CAMK1: variants seen among roughly 807,000 people sequenced by gnomAD.
CAMK1 encodes calcium/calmodulin dependent protein kinase I, also known as calcium/calmodulin-dependent protein kinase type 1.
CAMK1 carries 39 observed loss-of-function variants against 49.1 expected under a neutral mutation model. The ratio of observed to expected loss-of-function variants is 0.79; its 90% confidence interval spans 0.62 to 1.04. The LOEUF (loss-of-function observed/expected upper bound fraction) is 1.04. CAMK1 is among the 50% of genes least tolerant of loss of function. The probability of loss-of-function intolerance (pLI) is 0.00; values close to 1 mark genes in which losing one functional copy is unlikely to be tolerated. For synonymous variants in CAMK1, 192 were observed against 185.2 expected (o/e 1.04, Z -0.30); for missense variants, 457 against 472.2 (o/e 0.97, Z 0.30).
rs370595279 is a variant in CAMK1, at chr3:9,757,535, G to A, written c.*4C>T. The A allele has an allele frequency of 6.2e-7, 1 of 1,611,616 alleles. No individual in the cohort carries two copies. The highest frequency in any genetic ancestry group is 1.3e-5 in the African/African-American group (1 of 74,872). ...CAGAGGATCATGACCCGAGGTCCAG[G>A]GCCCTAGAGCTGGTGGGGCAGTGTG... On this transcript the variant is annotated 3_prime_UTR_variant, in exon 12 of 12. Coordinates refer to ENST00000256460, the MANE Select transcript of CAMK1 (RefSeq NM_003656.5). This position sits in a 1 kb window ranked among gnomAD's most constrained non-coding sequence, Gnocchi z 4.5.
chr3:9,767,493 G>A lies in CAMK1; in HGVS notation c.83+174C>T, dbSNP rs572800664. On this transcript the variant is annotated intron_variant, in intron 2 of 11. Coordinates refer to ENST00000256460, the MANE Select transcript of CAMK1 (RefSeq NM_003656.5). Reference sequence around the variant, plus strand: ...CCCAGGGCTATTGGGAGAGCAGCCCGTGTCCCACCCACTGTCATCCAGAAG... The same window carrying A: ...CCCAGGGCTATTGGGAGAGCAGCCCATGTCCCACCCACTGTCATCCAGAAG... 1.8e-4 allele frequency among the ~76,000 whole-genome samples: 28 copies of A among 152,186 alleles called. 1 individual carries two copies. The highest frequency in any genetic ancestry group is 1.0e-3 in the South Asian group (5 of 4,826).
In CAMK1 at chr3:9,757,866, A is replaced by AGGGAGAG; in HGVS notation, c.913-27_913-21dup. On this transcript the variant is annotated intron_variant, in intron 10 of 11. Coordinates refer to ENST00000256460, the MANE Select transcript of CAMK1 (RefSeq NM_003656.5). The surrounding 1 kb of genome is among the most constrained non-coding windows in gnomAD (Gnocchi z 4.5). ...GGCTTGCTGGCATTGAAGGCATTGA[A>AGGGAGAG]GGGAGAGGGGAGAAAGGACTTTTGA... 2 of 1,592,710 alleles carry AGGGAGAG rather than the reference A, an allele frequency of 1.3e-6. No homozygotes were observed. Among genetic ancestry groups the AGGGAGAG allele is most frequent in the African/African-American group, 2.7e-5 (2 of 74,646 alleles).
chr3:9,765,961 C>G (rs1197389182), intron 2 of CAMK1, 71 bp from the exon 3 acceptor site: 2 of 1,614,092 alleles, frequency 1.2e-6, no homozygotes, highest in Non-Finnish European at 1.7e-6. Context: ...CCTCCATTCC[C>G]TATGGGTTCT....
intron 8 of CAMK1, 22 bp downstream of exon 8, chr3:9,760,634 A>G (rs2077813266): frequency 6.2e-7 from 1 of 1,612,186 alleles, no homozygotes; most frequent in Non-Finnish European, 8.5e-7. Flanking sequence ...GGCCCAGGGG[A>G]AAAAAGCAAA....
In CAMK1 at chr3:9,761,082, C is replaced by G. The variant is rs374154979; in HGVS notation, c.633-314G>C. ...CCTCCACAGCGAGCCCTTCCCTGAC[C>G]TCCCTACTGAAATGGCATCACCCCG... is the stretch of plus-strand genomic sequence containing the variant. On this transcript the variant is annotated intron_variant, in intron 7 of 11. Coordinates refer to ENST00000256460, the MANE Select transcript of CAMK1 (RefSeq NM_003656.5). 49 of 364,152 alleles carry G rather than the reference C, an allele frequency of 1.3e-4. No homozygotes were observed. The East Asian group carries it at 2.3e-3, about 17-fold the overall frequency. 22.6% of individuals were successfully genotyped at this position (364,152 alleles called of 1,614,324 possible). A position where few individuals can be genotyped will look rare whatever the true frequency, so the allele number is the denominator to read the frequency against.
chr3:9,760,489 G>A, intron 8 of CAMK1, 167 bp downstream of exon 8: 1 of 616,700 alleles, frequency 1.6e-6, no homozygotes, highest in South Asian at 1.9e-5. Context: ...GCAGAAGGAA[G>A]TACCCAAGCA....
At chr3:9,763,115 C>T (rs2077967725) in intron 4 of CAMK1, 24 bp downstream of exon 4, 1 of 1,613,944 alleles carries the variant, frequency 6.2e-7, no homozygotes, top group South Asian at 1.1e-5. Flanking sequence ...GGTGTGGGGG[C>T]AGGGCAGAGG....
chr3:9,768,953 T>G (rs1188946508), intron 1 of CAMK1, among the ~76,000 whole-genome samples: 1 of 150,546 alleles, frequency 6.6e-6, no homozygotes, highest in Non-Finnish European at 1.5e-5. Flanking sequence ...GCCTACCAAA[T>G]ACAACCCTCA....
chr3:9,757,597 C>T lies in CAMK1; in HGVS notation c.1055G>A (p.Arg352Gln), dbSNP rs545247601. Residue 352 changes from arginine (R) to glutamine (Q), a missense_variant, in exon 12 of 12, where the codon CGA becomes CAA. Coordinates refer to ENST00000256460, the MANE Select transcript of CAMK1 (RefSeq NM_003656.5). The surrounding 1 kb of genome is among the most constrained non-coding windows in gnomAD (Gnocchi z 4.5). ...AGGPAAGCCC[R>Q]DCCVEPGTEL... ...TGTGCCCGGCTCCACGCAGCAGTCT[C>T]GACAGCAACAGCCAGCTGCCGGCCC... is the stretch of plus-strand genomic sequence containing the variant. The T allele has an allele frequency of 1.3e-5, 21 of 1,614,138 alleles. No homozygotes were observed. The highest frequency in any genetic ancestry group is 4.5e-5 in the East Asian group (2 of 44,874).
chr3:9,760,007 C>G (rs938139390), intron 8 of CAMK1: 15 of 415,668 alleles, frequency 3.6e-5, no homozygotes, highest in African/African-American at 2.6e-4. Flanking sequence ...CTTTGGGAGG[C>G]CAATGCAGGT....
chr3:9,759,262 C>T (rs1453790215), intron 10 of CAMK1: 1 of 1,613,816 alleles, frequency 6.2e-7, no homozygotes, highest in East Asian at 2.2e-5. Context: ...TGAAGAATTA[C>T]AGACTTCTTC....
intron 10 of CAMK1, chr3:9,758,657 TC>T (rs1158361510): frequency 1.3e-5 from 2 of 157,316 alleles, no homozygotes; most frequent in Admixed American, 1.3e-4. Context: ...TGAGGTGGAG[TC>T]TCACTTTGTT....
At chr3:9,762,647 G>T (rs1416500438) in intron 5 of CAMK1, among the ~76,000 whole-genome samples, 1 of 152,042 alleles carries the variant, frequency 6.6e-6, no homozygotes, top group Non-Finnish European at 1.5e-5. Flanking sequence ...TTACAGGCGT[G>T]AGCCATCCTG....
In CAMK1 at chr3:9,759,682, G is replaced by T. The variant is rs560292298; in HGVS notation, c.814C>A (p.Gln272Lys). ...EKRFTCEQAL[Q>K]HPWIAGDTAL... ...TGTGTGAATTCTCACCATGGGTGCT[G>T]CAAGGCCTGCTCACAGGTGAATCTT... is the stretch of plus-strand genomic sequence containing the variant. Residue 272 changes from glutamine to lysine, a missense_variant, in exon 9 of 12, where the codon CAG becomes AAG. Physicochemically the swap from Gln to Lys is moderately conservative, Grantham distance 53 (BLOSUM62 1). Coordinates refer to ENST00000256460, the MANE Select transcript of CAMK1 (RefSeq NM_003656.5). The T allele has an allele frequency of 6.8e-6, 11 of 1,614,088 alleles. No homozygotes were observed. In the African/African-American group the frequency reaches 1.5e-4, roughly 22 times the overall value.
At chr3:9,761,881 T>C in intron 5 of CAMK1, 124 bp from the exon 6 acceptor site, 1 of 1,427,626 alleles carries the variant, frequency 7.0e-7, no homozygotes, top group Non-Finnish European at 9.3e-7. Context: ...GCTTCATGGC[T>C]GTCATAAGAA....
intron 3 of CAMK1, 93 bp from the exon 4 acceptor site, chr3:9,763,306 T>C: frequency 1.3e-6 from 2 of 1,520,708 alleles, no homozygotes; most frequent in Non-Finnish European, 1.8e-6. Context: ...GGCAGGAGGA[T>C]CACTTGGCCC....
intron 3 of CAMK1, among the ~76,000 whole-genome samples, chr3:9,763,426 C>T (rs566999829): frequency 1.1e-3 from 170 of 149,316 alleles, no homozygotes; most frequent in African/African-American, 4.0e-3. Context: ...AAAAAAACAG[C>T]GGTTTAGAGC....
In CAMK1 at chr3:9,763,175, T is replaced by C. The variant is rs138483154; in HGVS notation, c.254A>G (p.Tyr85Cys). ...HPNIVALDDI[Y>C]ESGGHLYLIM... ...GAGGTAGAGGTGGCCCCCACTCTCA[T>C]AGATGTCATCCAGGGCTACAATGTT... The change falls in exon 4 of 12, where the codon TAT becomes TGT. Residue 85 changes from tyrosine (Y) to cysteine (C), a missense_variant. By Grantham distance (194) the Tyr-to-Cys change is radical. Transcript: ENST00000256460. 3.7e-4 allele frequency: 601 copies of C among 1,613,998 alleles called. No individual in the cohort carries two copies. Among genetic ancestry groups the C allele is most frequent in the Middle Eastern group, 8.2e-4 (5 of 6,062 alleles).
At chr3:9,760,812 G>A (rs369286850) in intron 7 of CAMK1, 44 bp from the exon 8 acceptor site, 19 of 1,610,566 alleles carry the variant, frequency 1.2e-5, no homozygotes, top group Non-Finnish European at 1.4e-5. Context: ...TTCGGGTGCC[G>A]TTGGCTCCGG....
Sources: gnomAD v4.1 joint callset for allele counts (sites outside exome capture counted in the v4.1 genomes callset) on GRCh38, gnomAD v4.1.1 for gene constraint, Gnocchi (gnomAD v3.1) non-coding constraint, MANE v1.5 for transcripts, NCBI Gene and HGNC (gene_info 2026-07-23, HGNC 2026-07-21) for gene names.